The following SPDYA variants were observed in gnomAD, a reference collection of about 807,000 sequenced individuals.
The protein encoded by SPDYA is speedy/RINGO cell cycle regulator family member A, also known as speedy protein A.
In SPDYA, 11 loss-of-function variants were observed where a neutral mutation model predicts 36.7. That is an observed-to-expected ratio of 0.30 (90% confidence interval 0.19 to 0.50). The LOEUF is 0.50. Among genes scored for constraint, SPDYA ranks in the 20% least tolerant of loss-of-function variants. SPDYA has a pLI of 0.98. For synonymous variants in SPDYA, 115 were observed against 118.7 expected (o/e 0.97, Z 0.20); for missense variants, 287 against 370.9 (o/e 0.77, Z 1.86).
At chr2:28,826,953 T>TTC (rs1553315485) in intron 5 of SPDYA, among the ~76,000 whole-genome samples, 2 of 146,534 alleles carry the variant, frequency 1.4e-5, no homozygotes, top group Non-Finnish European at 3.0e-5. Flanking sequence ...TTCTTTCTTT[T>TTC]TTTTTTTTTT....
rs778756232 is a variant in SPDYA at position 28,815,971 on chromosome 2, A to T, written c.-18-26A>T. ...ATATATGAAATGAATGTGTGTGATG[A>T]ATAATTGTATGTTTTATTTTTACAG... On this transcript the variant is annotated intron_variant, in intron 2 of 7. Coordinates refer to ENST00000334056, the MANE Select transcript of SPDYA (RefSeq NM_182756.4). The T allele has an allele frequency of 2.8e-6, 4 of 1,451,998 alleles. No individual in the cohort carries two copies. The Admixed American group carries it at 7.1e-5, about 26-fold the overall frequency. 89.9% of individuals were successfully genotyped at this position (1,451,998 alleles called of 1,614,324 possible).
At position 28,850,499 on chromosome 2, in the gene SPDYA, A is replaced by G; in HGVS notation, c.*558A>G. 2.5e-6 allele frequency: 2 copies of G among 816,152 alleles called. No individual in the cohort carries two copies. Among genetic ancestry groups the G allele is most frequent in the Non-Finnish European group, 3.8e-6 (2 of 523,172 alleles). The allele number at this position is 816,152 out of a possible 1,614,324, so 50.6% of individuals were successfully genotyped here. A position where few individuals can be genotyped will look rare whatever the true frequency, so the allele number is the denominator to read the frequency against. Reference sequence around the variant, plus strand: ...AAATATGAGTTACTCTCTTTATTGTAAGTTTTTTCTTTATTTATTTCCTTG... The same window carrying G: ...AAATATGAGTTACTCTCTTTATTGTGAGTTTTTTCTTTATTTATTTCCTTG... On this transcript the variant is annotated 3_prime_UTR_variant, in exon 8 of 8. Transcript: ENST00000334056.
chr2:28,846,094 G>C (rs1477556303), intron 7 of SPDYA, among the ~76,000 whole-genome samples: 1 of 152,008 alleles, frequency 6.6e-6, no homozygotes, highest in Non-Finnish European at 1.5e-5. Flanking sequence ...GAACAACCAA[G>C]TCAACAGATA....
chr2:28,824,796 G>A (rs1206186966), intron 5 of SPDYA, among the ~76,000 whole-genome samples: 1 of 151,966 alleles, frequency 6.6e-6, no homozygotes, highest in Non-Finnish European at 1.5e-5. Context: ...TGATACACCT[G>A]CTTCGGCCTC....
chr2:28,840,327 A>T lies in SPDYA; in HGVS notation c.708A>T (p.Arg236Ser), dbSNP rs774881988. Residue 236 changes from arginine (R) to serine (S), a missense_variant, in exon 7 of 8, where the codon AGA (arginine) becomes AGT (serine). Transcript: ENST00000334056. ...VDCSLCGKKR[R>S]YVRLGLSSSS... is the part of the protein sequence containing the mutation. ...GTTCACTCTGTGGTAAAAAAAGAAGATATGTTAGACTGGGATTGTCTTCAT... is the reference window on the plus strand; with the variant it reads ...GTTCACTCTGTGGTAAAAAAAGAAGTTATGTTAGACTGGGATTGTCTTCAT... 61 of 1,610,968 alleles carry T rather than the reference A, an allele frequency of 3.8e-5. No homozygotes were observed. In the Admixed American group the frequency reaches 1.0e-3, roughly 27 times the overall value.
At chr2:28,849,001 C>T (rs1363789099) in intron 7 of SPDYA, among the ~76,000 whole-genome samples, 1 of 151,698 alleles carries the variant, frequency 6.6e-6, no homozygotes, top group Non-Finnish European at 1.5e-5. Context: ...GCCATGATCA[C>T]GCCACTGCAC....
intron 7 of SPDYA, among the ~76,000 whole-genome samples, chr2:28,845,457 T>C (rs567373707): frequency 5.9e-5 from 9 of 152,248 alleles, no homozygotes; most frequent in Non-Finnish European, 8.8e-5. Flanking sequence ...CATAACTCCA[T>C]TGTAAGTCAA....
chr2:28,827,230 G>A (rs935641692), intron 5 of SPDYA, among the ~76,000 whole-genome samples: 10 of 152,058 alleles, frequency 6.6e-5, no homozygotes, highest in South Asian at 2.1e-4. Flanking sequence ...GTGAGCCACC[G>A]AGCCGGGCCA....
At chr2:28,812,462 CAAAA>C (rs1054159644) in intron 1 of SPDYA, among the ~76,000 whole-genome samples, 12 of 112,828 alleles carry the variant, frequency 1.1e-4, no homozygotes, top group African/African-American at 3.5e-4. Context: ...ATTTACTTAC[CAAAA>C]AAAAAAGAAA....
intron 7 of SPDYA, chr2:28,840,683 T>G: frequency 7.7e-7 from 1 of 1,301,520 alleles, no homozygotes; most frequent in Non-Finnish European, 9.7e-7. Context: ...GTGACCTATG[T>G]TAAGTTGAAA....
chr2:28,829,125 T>C (rs766329412), intron 5 of SPDYA, 23 bp from the exon 6 acceptor site: 1 of 1,595,302 alleles, frequency 6.3e-7, no homozygotes, highest in East Asian at 2.2e-5. Context: ...ATTTCTTTTT[T>C]GGGTTGTGAT....
rs1244240205 is a variant in SPDYA, at chr2:28,819,092, A to C, written c.280A>C (p.Lys94Gln). Reference sequence around the variant, plus strand: ...TTTCTTGTGGATGGACTGCTGCTGTAAAATTGCAGACAAGGTAAATTTGGT... The same window carrying C: ...TTTCTTGTGGATGGACTGCTGCTGTCAAATTGCAGACAAGGTAAATTTGGT... ...QDFLWMDCCC[K>Q]IADKYLLAMT... The change falls in exon 4 of 8, where the codon AAA becomes CAA. Residue 94 changes from lysine to glutamine, a missense_variant. Transcript: ENST00000334056. The C allele has an allele frequency of 1.2e-6, 2 of 1,611,538 alleles. No individual in the cohort carries two copies. Among genetic ancestry groups the C allele is most frequent in the Non-Finnish European group, 1.7e-6 (2 of 1,178,728 alleles).
chr2:28,845,895 A>C (rs1353215036), intron 7 of SPDYA, among the ~76,000 whole-genome samples: 2 of 152,178 alleles, frequency 1.3e-5, no homozygotes, highest in Admixed American at 1.3e-4. Context: ...TTACTATGAA[A>C]GCTCTGATTT....
In SPDYA at chr2:28,822,354, C is replaced by G. The variant is rs1344023853; in HGVS notation, c.324C>G (p.Phe108Leu). ...TTTTGGCTATGACCTTTGTTTATTT[C>G]AAGAGGGCTAAATTTACTATAAGTG... ...KYLLAMTFVYFKRAKFTISEH... is the reference protein window; with the variant it reads ...KYLLAMTFVYLKRAKFTISEH... The change falls in exon 5 of 8, where the codon TTC becomes TTG. Residue 108 changes from phenylalanine to leucine, a missense_variant. Phe to Leu is a conservative substitution (Grantham distance 22). Transcript: ENST00000334056. The G allele has an allele frequency of 3.2e-6, 5 of 1,566,482 alleles. No homozygotes were observed. Among genetic ancestry groups the G allele is most frequent in the Non-Finnish European group, 4.3e-6 (5 of 1,155,676 alleles).
chr2:28,816,334 A>C, intron 3 of SPDYA, 85 bp downstream of exon 3: 4 of 1,008,962 alleles, frequency 4.0e-6, no homozygotes, highest in Non-Finnish European at 5.6e-6. Flanking sequence ...ATTCTGATCA[A>C]AGAGGATATC....
chr2:28,825,688 A>G (rs1375105357), intron 5 of SPDYA, among the ~76,000 whole-genome samples: 2 of 152,116 alleles, frequency 1.3e-5, no homozygotes, highest in Non-Finnish European at 2.9e-5. Flanking sequence ...CCTTATGGGC[A>G]AGGAACATAT....
chr2:28,828,593 T>C (rs1397578744), intron 5 of SPDYA, among the ~76,000 whole-genome samples: 2 of 152,262 alleles, frequency 1.3e-5, no homozygotes, highest in African/African-American at 4.8e-5. Context: ...AGTCATGTTT[T>C]CCTGCTTCTG....
At chr2:28,840,929 AGTTT>A in intron 7 of SPDYA, 1 of 163,982 alleles carries the variant, frequency 6.1e-6, no homozygotes, top group Non-Finnish European at 1.0e-5. Flanking sequence ...CTCCAAAACC[AGTTT>A]TTTTTTTTTT....
intron 5 of SPDYA, among the ~76,000 whole-genome samples, chr2:28,822,761 C>A: frequency 6.6e-6 from 1 of 152,118 alleles, no homozygotes; most frequent in East Asian, 1.9e-4. Context: ...CCACGTGCCA[C>A]CACGCTCAGC....
Sources: gnomAD v4.1 joint callset for allele counts (sites outside exome capture counted in the v4.1 genomes callset) on GRCh38, gnomAD v4.1.1 for gene constraint, MANE v1.5 for transcripts, NCBI Gene and HGNC (gene_info 2026-07-23, HGNC 2026-07-21) for gene names.